CAMTA1: variants seen among roughly 807,000 people sequenced by gnomAD.
The protein encoded by CAMTA1 is calmodulin binding transcription activator 1.
A neutral mutation model predicts 170.9 loss-of-function variants in CAMTA1; 27 were observed. The observed-to-expected ratio is 0.16, with a 90% CI of 0.12 to 0.22. The LOEUF is 0.22. Ranked by LOEUF, CAMTA1 falls within the 10% of genes least tolerant of loss-of-function variation. CAMTA1 has a pLI of 1.00. For synonymous variants in CAMTA1, 833 were observed against 891.5 expected (o/e 0.93, Z 1.17); for missense variants, 1,619 against 2,217.2 (o/e 0.73, Z 5.42).
Position 6,785,484 on chromosome 1 carries a change from G to A in CAMTA1, c.-47G>A. 2 of 1,018,192 alleles carry A rather than the reference G, an allele frequency of 2.0e-6. No homozygotes were observed. Among genetic ancestry groups the A allele is most frequent in the Non-Finnish European group, 2.4e-6 (2 of 845,612 alleles). The allele number at this position is 1,018,192 out of a possible 1,614,324, so 63.1% of individuals were successfully genotyped here. A position where few individuals can be genotyped will look rare whatever the true frequency, so the allele number is the denominator to read the frequency against. On this transcript the variant is annotated 5_prime_UTR_variant, in exon 1 of 23. Coordinates refer to ENST00000303635, the MANE Select transcript of CAMTA1 (RefSeq NM_015215.4). ...CGGGGTGGCTGGGCCGGCGGCGGCG[G>A]CGGTACGAGGCGCGCGCTCGGGGTC...
At chr1:7,252,759 C>T (rs910210431) in intron 5 of CAMTA1, among the ~76,000 whole-genome samples, 3 of 152,144 alleles carry the variant, frequency 2.0e-5, no homozygotes, top group East Asian at 1.9e-4. Context: ...TTTCTACCAC[C>T]GGGGCTGTTT....
intron 3 of CAMTA1, among the ~76,000 whole-genome samples, chr1:7,078,210 G>C (rs1036634587): frequency 3.3e-5 from 5 of 152,216 alleles, no homozygotes; most frequent in Non-Finnish European, 5.9e-5. Flanking sequence ...CAAGGTTGAA[G>C]AAGAAGCCAA....
chr1:7,087,715 T>C (rs1640930130), intron 3 of CAMTA1, among the ~76,000 whole-genome samples: 1 of 152,232 alleles, frequency 6.6e-6, no homozygotes, highest in East Asian at 1.9e-4. Context: ...CCATGGTTCC[T>C]ATTTCATAGT....
At chr1:7,608,655 A>T (rs1267544164) in intron 6 of CAMTA1, among the ~76,000 whole-genome samples, 1 of 152,170 alleles carries the variant, frequency 6.6e-6, no homozygotes, top group African/African-American at 2.4e-5. Flanking sequence ...CTCCTTAGAA[A>T]ATCTGATTGC....
At chr1:7,663,239 C>T (rs1420043932) in intron 8 of CAMTA1, 114 bp from the exon 9 acceptor site, 33 of 1,389,344 alleles carry the variant, frequency 2.4e-5, no homozygotes, top group Non-Finnish European at 2.8e-5. Context: ...GGACCCCAGC[C>T]GCTGTGGGGC....
chr1:7,255,899 G>A (rs1349515268), intron 5 of CAMTA1, among the ~76,000 whole-genome samples: 4 of 152,132 alleles, frequency 2.6e-5, no homozygotes, highest in African/African-American at 9.7e-5. Context: ...TAGGTCTTTG[G>A]TTTCAGAAGT....
intron 3 of CAMTA1, among the ~76,000 whole-genome samples, chr1:6,931,868 G>A (rs2149377854): frequency 6.6e-6 from 1 of 152,280 alleles, no homozygotes; most frequent in South Asian, 2.1e-4. Context: ...GGATGCTTTT[G>A]AATTTGGATG....
At chr1:7,704,864 G>C (rs1161612797) in intron 11 of CAMTA1, among the ~76,000 whole-genome samples, 6 of 147,814 alleles carry the variant, frequency 4.1e-5, no homozygotes, top group Non-Finnish European at 7.5e-5. Context: ...GCGCAAGCCT[G>C]ACGAGCAGGA....
At chr1:6,994,128 A>G (rs1392127660) in intron 3 of CAMTA1, among the ~76,000 whole-genome samples, 1 of 152,136 alleles carries the variant, frequency 6.6e-6, no homozygotes, top group South Asian at 2.1e-4. Flanking sequence ...TCTTCATGCT[A>G]TACTTGTTAT....
At chr1:7,544,837 G>T (rs572013161) in intron 6 of CAMTA1, among the ~76,000 whole-genome samples, 2 of 152,108 alleles carry the variant, frequency 1.3e-5, no homozygotes, top group South Asian at 4.1e-4. Flanking sequence ...GAGAGAAACC[G>T]AAGAAGCCAG....
intron 4 of CAMTA1, among the ~76,000 whole-genome samples, chr1:7,129,384 C>G (rs1645119407): frequency 6.6e-6 from 1 of 152,146 alleles, no homozygotes; most frequent in East Asian, 1.9e-4. Flanking sequence ...GTTGCTGTCT[C>G]TCTCTCCTTT....
intron 6 of CAMTA1, among the ~76,000 whole-genome samples, chr1:7,470,268 A>G (rs930616538): frequency 1.3e-5 from 2 of 152,256 alleles, no homozygotes; most frequent in African/African-American, 4.8e-5. Context: ...CAAAGCAATT[A>G]GCACAATGCA....
rs1435650825 is a variant in CAMTA1, at chr1:6,970,736, T to C, written c.235-120568T>C. ...ATCCAGTCCTGGTGGGTCAGGACAT[T>C]CTACTATAGCAAGTGCTATCTCAGT... On this transcript the variant is annotated intron_variant, in intron 3 of 22. Transcript: ENST00000303635. The surrounding 1 kb of genome is among the most constrained non-coding windows in gnomAD (Gnocchi z 4.4). Among the ~76,000 whole-genome samples, 1 of 152,154 alleles carries C rather than the reference T, an allele frequency of 6.6e-6. No individual in the cohort carries two copies. The highest frequency in any genetic ancestry group is 1.9e-4 in the East Asian group (1 of 5,198).
At chr1:7,101,346 G>T (rs940275014) in intron 4 of CAMTA1, among the ~76,000 whole-genome samples, 1 of 152,204 alleles carries the variant, frequency 6.6e-6, no homozygotes, top group African/African-American at 2.4e-5. Flanking sequence ...GGCATTATGA[G>T]ATAGGAAGGC....
intron 3 of CAMTA1, among the ~76,000 whole-genome samples, chr1:6,931,176 C>T (rs1684349470): frequency 6.6e-6 from 1 of 152,108 alleles, no homozygotes; most frequent in Non-Finnish European, 1.5e-5. Flanking sequence ...GGCTGGGCAC[C>T]CCTAGGGAGC....
intron 6 of CAMTA1, among the ~76,000 whole-genome samples, chr1:7,473,908 C>A (rs766761763): frequency 2.0e-4 from 30 of 152,252 alleles, no homozygotes; most frequent in Non-Finnish European, 4.0e-4. Flanking sequence ...AGGAAGGGTC[C>A]TCAGGATGTG....
At chr1:7,326,988 G>A (rs1380279402) in intron 5 of CAMTA1, among the ~76,000 whole-genome samples, 1 of 152,098 alleles carries the variant, frequency 6.6e-6, no homozygotes, top group Non-Finnish European at 1.5e-5. Context: ...GAAGAAGGAG[G>A]AGGTGATATG....
chr1:7,560,873 C>G (rs562654053), intron 6 of CAMTA1, among the ~76,000 whole-genome samples: 1 of 152,128 alleles, frequency 6.6e-6, no homozygotes, highest in Non-Finnish European at 1.5e-5. Flanking sequence ...CAGGGACAGG[C>G]AGGGCTGGAG....
intron 3 of CAMTA1, among the ~76,000 whole-genome samples, chr1:6,831,861 T>TA (rs1451596080): frequency 1.3e-5 from 2 of 152,158 alleles, no homozygotes; most frequent in Non-Finnish European, 2.9e-5. Context: ...TATAGGTTGA[T>TA]ACATTCTAAG....
Sources: allele counts gnomAD v4.1 joint callset (sites outside exome capture counted in the v4.1 genomes callset), GRCh38; gene constraint gnomAD v4.1.1; non-coding constraint Gnocchi (gnomAD v3.1); transcripts MANE v1.5; gene names NCBI Gene and HGNC (gene_info 2026-07-23, HGNC 2026-07-21).